The following CTIF variants were observed in gnomAD, a reference collection of about 807,000 sequenced individuals.
The protein encoded by CTIF is CBP80/20-dependent translation initiation factor.
Under a neutral mutation model 66.0 loss-of-function variants are expected in CTIF, and 21 were observed. The ratio of observed to expected loss-of-function variants is 0.32; its 90% CI spans 0.23 to 0.46. The LOEUF (loss-of-function observed/expected upper bound fraction) is 0.46. Ranked by LOEUF, CTIF falls within the 20% of genes least tolerant of loss-of-function variation. CTIF has a pLI of 1.00. For missense variants in CTIF, 739 were observed against 812.7 expected (o/e 0.91, Z 1.10); for synonymous variants, 345 against 326.4 (o/e 1.06, Z -0.62).
chr18:48,566,377 A>C (rs17828681), intron 1 of CTIF: 11,116 of 152,300 alleles, frequency 0.073, 478 homozygotes, highest in South Asian at 0.1. Flanking sequence ...ACACAGGTGC[A>C]TGCTATGAAA....
intron 2 of CTIF, 21 bp downstream of exon 2, chr18:48,619,766 G>A: frequency 6.6e-7 from 1 of 1,506,738 alleles, no homozygotes; most frequent in Non-Finnish European, 8.9e-7. Context: ...GCCCGGGGTT[G>A]GGGCAGCTTG....
chr18:48,610,176 A>T (rs761234331), intron 1 of CTIF, among the ~76,000 whole-genome samples: 3 of 151,296 alleles, frequency 2.0e-5, no homozygotes, highest in Non-Finnish European at 4.4e-5. Context: ...AAAAACCTAT[A>T]AAAAAAATTC....
chr18:48,643,771 ATTG>A (rs1214468739), intron 3 of CTIF, among the ~76,000 whole-genome samples: 1 of 152,024 alleles, frequency 6.6e-6, no homozygotes, highest in Non-Finnish European at 1.5e-5. Context: ...ATTTTGGGAT[ATTG>A]TTTTCTGAGC....
At chr18:48,773,778 T>G (rs1910399627) in intron 9 of CTIF, among the ~76,000 whole-genome samples, 1 of 151,430 alleles carries the variant, frequency 6.6e-6, no homozygotes, top group African/African-American at 2.4e-5. Flanking sequence ...TGGGCTTATC[T>G]CCTTGTTGCC....
chr18:48,676,514 G>A (rs1323547244), intron 6 of CTIF, among the ~76,000 whole-genome samples: 1 of 152,150 alleles, frequency 6.6e-6, no homozygotes, highest in East Asian at 1.9e-4. Flanking sequence ...TAGCAGGGCC[G>A]GCTCCCCTGC....
At chr18:48,795,063 C>T (rs2067884493) in intron 9 of CTIF, among the ~76,000 whole-genome samples, 2 of 152,130 alleles carry the variant, frequency 1.3e-5, no homozygotes, top group Non-Finnish European at 2.9e-5. Flanking sequence ...CCGTAGCTTC[C>T]TGTTAAATAG....
In CTIF at chr18:48,817,074, A is replaced by T. The variant is rs576001850; in HGVS notation, c.1372-147A>T. The T allele has an allele frequency of 1.2e-4, 89 of 752,544 alleles. 1 individual carries two copies. In the African/African-American group the frequency reaches 1.2e-3, roughly 10 times the overall value. The allele number at this position is 752,544 out of a possible 1,614,324, so 46.6% of individuals were successfully genotyped here. A position where few individuals can be genotyped will look rare whatever the true frequency, so the allele number is the denominator to read the frequency against. On this transcript the variant is annotated intron_variant, in intron 9 of 11. Transcript: ENST00000256413. ...GGTGGTCCCAGCCACAGAGAGTGCA[A>T]TCACGCACCCCCATCCTCATTTAAA...
At chr18:48,592,453 C>A (rs533070035) in intron 1 of CTIF, among the ~76,000 whole-genome samples, 1 of 150,234 alleles carries the variant, frequency 6.7e-6, no homozygotes, top group Non-Finnish European at 1.5e-5. Flanking sequence ...GCCGAGATTG[C>A]GCCATTGAAC....
Position 48,619,753 on chromosome 18 carries a change from C to T in CTIF, c.180+8C>T, listed in dbSNP as rs140963969. On this transcript the variant is annotated splice_region_variant and intron_variant, in intron 2 of 11. Coordinates refer to ENST00000256413, the MANE Select transcript of CTIF (RefSeq NM_014772.3). ...CAGTCCCACATCTCCCAGGTGAGCG[C>T]GGGCCCGGGGTTGGGGCAGCTTGGG... 20,503 of 1,559,894 alleles carry T rather than the reference C, an allele frequency of 0.013. 166 individuals carry two copies. The highest frequency in any genetic ancestry group is 0.016 in the Non-Finnish European group (18,136 of 1,150,892).
intron 6 of CTIF, among the ~76,000 whole-genome samples, chr18:48,678,525 G>A (rs542441598): frequency 8.6e-5 from 13 of 152,002 alleles, no homozygotes; most frequent in Non-Finnish European, 1.5e-4. Flanking sequence ...CAGGTAGCAG[G>A]TCCACTGGGA....
intron 1 of CTIF, among the ~76,000 whole-genome samples, chr18:48,604,124 G>A: frequency 6.9e-6 from 1 of 144,416 alleles, no homozygotes; most frequent in Non-Finnish European, 1.5e-5. Context: ...GATTACAGGT[G>A]TGAACCACCA....
At chr18:48,571,075 C>A (rs764057936) in intron 1 of CTIF, among the ~76,000 whole-genome samples, 1 of 152,202 alleles carries the variant, frequency 6.6e-6, no homozygotes, top group Admixed American at 6.5e-5. Context: ...AAGATATGAT[C>A]TGCAAAGTAT....
intron 3 of CTIF, among the ~76,000 whole-genome samples, chr18:48,656,867 G>C (rs1285413444): frequency 6.6e-6 from 1 of 152,212 alleles, no homozygotes; most frequent in Non-Finnish European, 1.5e-5. Context: ...GGAAGCTGTG[G>C]TTACCAGGGC....
chr18:48,661,374 G>C (rs2091342869), intron 3 of CTIF, among the ~76,000 whole-genome samples: 1 of 148,212 alleles, frequency 6.7e-6, no homozygotes, highest in African/African-American at 2.4e-5. Context: ...TTGGAAGCAA[G>C]AGTTTTGTTT....
intron 3 of CTIF, among the ~76,000 whole-genome samples, chr18:48,644,675 C>T (rs2090993592): frequency 6.6e-6 from 1 of 152,212 alleles, no homozygotes; most frequent in Admixed American, 6.5e-5. Flanking sequence ...GCCACATGGC[C>T]TGGTCTCTGC....
At chr18:48,639,518 G>T (rs2090888450) in intron 3 of CTIF, among the ~76,000 whole-genome samples, 1 of 152,180 alleles carries the variant, frequency 6.6e-6, no homozygotes, top group African/African-American at 2.4e-5. Context: ...GATGGCCAAG[G>T]TTCAGACCTG....
rs1231629971 is a variant in CTIF at position 48,862,494 on chromosome 18, C to G, written c.*2935C>G. The G allele has an allele frequency of 6.6e-6, 1 of 152,658 alleles. No homozygotes were observed. Among genetic ancestry groups the G allele is most frequent in the Non-Finnish European group, 1.5e-5 (1 of 68,084 alleles). 9.5% of individuals were successfully genotyped at this position (152,658 alleles called of 1,614,324 possible). ...GCCCCAGCGAGGCCCCCAACCTCAC[C>G]CAGACGAGGCCAGGAGCCCCGCCAC... On this transcript the variant is annotated 3_prime_UTR_variant, in exon 12 of 12. Transcript: ENST00000256413.
chr18:48,730,715 G>T (rs865803791), intron 7 of CTIF, among the ~76,000 whole-genome samples: 4 of 123,156 alleles, frequency 3.2e-5, no homozygotes, highest in Admixed American at 1.6e-4. Flanking sequence ...GGGCTTCCGC[G>T]GTGTGAGGGG....
intron 6 of CTIF, among the ~76,000 whole-genome samples, chr18:48,676,276 T>C (rs950989514): frequency 6.6e-6 from 1 of 152,206 alleles, no homozygotes; most frequent in Non-Finnish European, 1.5e-5. Context: ...CAATACCCCA[T>C]TGAAAGACGT....
Sources: allele counts gnomAD v4.1 joint callset (sites outside exome capture counted in the v4.1 genomes callset), GRCh38; gene constraint gnomAD v4.1.1; transcripts MANE v1.5; gene names NCBI Gene and HGNC (gene_info 2026-07-23, HGNC 2026-07-21).